The following IQCE variants were observed in gnomAD, a reference collection of about 807,000 sequenced individuals.
The protein encoded by IQCE is IQ motif containing E.
IQCE carries 115 observed loss-of-function variants against 96.0 expected under a neutral mutation model. That is an observed-to-expected ratio of 1.20 (90% CI 1.03 to 1.40). The LOEUF is 1.40. Among genes scored for constraint, IQCE ranks in the 40% most tolerant of loss-of-function variants. The pLI, the probability that IQCE is intolerant of heterozygous loss-of-function variation, is 0.00. For missense variants in IQCE, 1,041 were observed against 909.1 expected, an observed-to-expected ratio of 1.15 and a Z score of -1.87; for synonymous variants, 412 against 371.2, an observed-to-expected ratio of 1.11 and a Z score of -1.26.
At chr7:2,601,390 C>T (rs767523953) in intron 17 of IQCE, 51 bp from the exon 18 acceptor site, 6 of 1,240,540 alleles carry the variant, frequency 4.8e-6, no homozygotes, top group East Asian at 2.3e-5. Flanking sequence ...AAACCACATT[C>T]ATCCTTCTCG....
At chr7:2,604,816 C>G (rs1583514626) in intron 18 of IQCE, 65 bp from the exon 19 acceptor site, 2 of 1,183,562 alleles carry the variant, frequency 1.7e-6, no homozygotes, top group East Asian at 4.9e-5. Flanking sequence ...CGGCGCCTCC[C>G]TCTCGCCCGC....
Position 2,610,394 on chromosome 7 carries a change from G to A in IQCE, c.*232G>A, listed in dbSNP as rs200952253. 192 of 478,558 alleles carry A rather than the reference G, an allele frequency of 4.0e-4. 1 individual carries two copies. Among genetic ancestry groups the A allele is most frequent in the Non-Finnish European group, 3.8e-4 (99 of 263,320 alleles). 29.6% of individuals were successfully genotyped at this position (478,558 alleles called of 1,614,324 possible). A position where few individuals can be genotyped will look rare whatever the true frequency, so the allele number is the denominator to read the frequency against. ...TCCCCCTCATCTCCAGCTGCAGCTC[G>A]GATGGTGGATTTTCAGTGCCAACAG... On this transcript the variant is annotated 3_prime_UTR_variant, in exon 22 of 22. Transcript: ENST00000402050.
intron 9 of IQCE, 85 bp downstream of exon 9, chr7:2,582,735 C>A: frequency 8.3e-7 from 1 of 1,199,254 alleles, no homozygotes; most frequent in Non-Finnish European, 1.2e-6. Context: ...TCCCCCACCC[C>A]GTCCTGTGTC....
intron 2 of IQCE, 50 bp from the exon 3 acceptor site, chr7:2,568,904 C>A: frequency 1.3e-6 from 2 of 1,540,348 alleles, no homozygotes; most frequent in South Asian, 1.1e-5. Context: ...TCTTGTGATG[C>A]ACCACTGTGG....
Position 2,598,644 on chromosome 7 carries a change from C to T in IQCE, c.1608+12C>T, listed in dbSNP as rs77397395. 6,580 of 1,509,368 alleles carry T rather than the reference C, an allele frequency of 4.4e-3. 187 individuals are homozygous for T. In the African/African-American group the frequency reaches 0.068, roughly 16 times the overall value. The allele number at this position is 1,509,368 out of a possible 1,614,324, so 93.5% of individuals were successfully genotyped here. A position where few individuals can be genotyped will look rare whatever the true frequency, so the allele number is the denominator to read the frequency against. ...TGTACAAGCACAAGGTGAGGCTCCC[C>T]GGGGCGACCCGGGCTGCTCCCTGTG... On this transcript the variant is annotated intron_variant, in intron 17 of 21. Transcript: ENST00000402050.
Position 2,605,640 on chromosome 7 carries a change from A to G in IQCE, c.1744-236A>G, listed in dbSNP as rs193189465. 1.8e-3 allele frequency among the ~76,000 whole-genome samples: 251 copies of G among 137,682 alleles called. 1 individual carries two copies. The highest frequency in any genetic ancestry group is 8.0e-3 in the African/African-American group (237 of 29,514). 90.3% of individuals were successfully genotyped at this position (137,682 alleles called of 152,430 possible). A position where few individuals can be genotyped will look rare whatever the true frequency, so the allele number is the denominator to read the frequency against. ...ATCTCAAAAATAAATAAATAAGTAA[A>G]TAAATAAATAAATAAATAAATAAAT... is the stretch of plus-strand genomic sequence containing the variant. On this transcript the variant is annotated intron_variant, in intron 19 of 21. Transcript: ENST00000402050.
intron 11 of IQCE, 23 bp from the exon 12 acceptor site, chr7:2,586,185 A>C (rs78092993): frequency 3.1e-6 from 5 of 1,604,938 alleles, no homozygotes; most frequent in Non-Finnish European, 4.3e-6. Flanking sequence ...TGCAAACCTC[A>C]GTCCACGATT....
At chr7:2,599,561 A>G (rs1316621711) in intron 17 of IQCE, among the ~76,000 whole-genome samples, 7 of 151,864 alleles carry the variant, frequency 4.6e-5, no homozygotes, top group Non-Finnish European at 8.8e-5. Context: ...CAGTGGCACA[A>G]TCACAGCTCA....
chr7:2,572,410 CA>C, intron 5 of IQCE, 84 bp downstream of exon 5: 3 of 1,430,128 alleles, frequency 2.1e-6, no homozygotes, highest in Non-Finnish European at 2.8e-6. Context: ...CGTCCTTCGT[CA>C]GAGCAGGATT....
Position 2,585,521 on chromosome 7 carries a change from G to A in IQCE, c.825-687G>A, listed in dbSNP as rs148981361. 1.1e-3 allele frequency among the ~76,000 whole-genome samples: 172 copies of A among 152,372 alleles called. 1 individual carries two copies. Among genetic ancestry groups the A allele is most frequent in the African/African-American group, 3.9e-3 (164 of 41,582 alleles). ...GGCCCACACAGCCTTCCTGAGCTTA[G>A]AGGCACTGGACGGCACTCAGCACTG... On this transcript the variant is annotated intron_variant, in intron 11 of 21. Transcript: ENST00000402050.
chr7:2,571,959 G>T (rs1260154825), intron 4 of IQCE, among the ~76,000 whole-genome samples: 2 of 152,086 alleles, frequency 1.3e-5, no homozygotes, highest in Non-Finnish European at 2.9e-5. Context: ...CTGGCAACCT[G>T]ATATTAGACA....
intron 1 of IQCE, among the ~76,000 whole-genome samples, chr7:2,559,818 G>A (rs896332917): frequency 6.8e-6 from 1 of 147,254 alleles, no homozygotes; most frequent in African/African-American, 2.5e-5. Context: ...AATTAAGATC[G>A]TGTCAGAAAG....
chr7:2,575,849 C>T (rs1782083672), intron 6 of IQCE, among the ~76,000 whole-genome samples: 1 of 152,180 alleles, frequency 6.6e-6, no homozygotes, highest in South Asian at 2.1e-4. Flanking sequence ...CGCTGGCCCC[C>T]CGGCTCCCGG....
chr7:2,588,008 C>A, intron 13 of IQCE, 131 bp downstream of exon 13: 1 of 835,368 alleles, frequency 1.2e-6, no homozygotes, highest in Non-Finnish European at 2.0e-6. Flanking sequence ...ACACACAGAC[C>A]GCAAGGAGAC....
intron 1 of IQCE, among the ~76,000 whole-genome samples, chr7:2,566,393 A>C (rs4721818): frequency 6.6e-6 from 1 of 150,948 alleles, no homozygotes; most frequent in South Asian, 2.1e-4. Context: ...GAAGGCAAGA[A>C]CCTTTATAGG....
At chr7:2,581,773 A>C (rs1451966774) in intron 8 of IQCE, among the ~76,000 whole-genome samples, 1 of 149,656 alleles carries the variant, frequency 6.7e-6, no homozygotes, top group Non-Finnish European at 1.5e-5. Context: ...GCAGTGGCGC[A>C]ATCTCGGCTC....
chr7:2,610,129 AC>A lies in IQCE; in HGVS notation c.2057del (p.Pro686ArgfsTer47). On this transcript the variant is annotated frameshift_variant, in exon 22 of 22. Transcript: ENST00000402050. LOFTEE classifies it high-confidence loss of function. Reference sequence around the variant, plus strand: ...ATGATTCCGACGATATTGTCATTGCACCGTCTCTGCCCACGAAGAACTTTCC... The same window carrying A: ...ATGATTCCGACGATATTGTCATTGCACGTCTCTGCCCACGAAGAACTTTCC... Reference protein sequence around the residue: ...SDDSDDIVIAPSLPTKNFPV With the variant: ...SDDSDDIVIAXSLPTKNFPV 6.2e-7 allele frequency: 1 copy of A among 1,612,424 alleles called. No homozygotes were observed. Among genetic ancestry groups the A allele is most frequent in the East Asian group, 2.2e-5 (1 of 44,872 alleles).
intron 17 of IQCE, among the ~76,000 whole-genome samples, chr7:2,600,360 C>T (rs4721860): frequency 0.12 from 18,504 of 152,240 alleles, 1,199 homozygotes; most frequent in Admixed American, 0.16. Flanking sequence ...TCTAACCTGG[C>T]CATGGCTGCT....
At chr7:2,577,903 T>A (rs1173085692) in intron 6 of IQCE, among the ~76,000 whole-genome samples, 2 of 128,014 alleles carry the variant, frequency 1.6e-5, no homozygotes, top group African/African-American at 6.1e-5. Flanking sequence ...CAGTGTCGTG[T>A]GCGTGGCTGT....
Sources: allele counts gnomAD v4.1 joint callset (sites outside exome capture counted in the v4.1 genomes callset), GRCh38; gene constraint gnomAD v4.1.1; transcripts MANE v1.5; gene names NCBI Gene and HGNC (gene_info 2026-07-23, HGNC 2026-07-21).